SLC22A23: variants seen among roughly 807,000 people sequenced by gnomAD.
The protein encoded by SLC22A23 is solute carrier family 22 member 23.
In SLC22A23, 26 loss-of-function variants were observed where a neutral mutation model predicts 61.0. The ratio of observed to expected loss-of-function variants is 0.43; its 90% confidence interval spans 0.31 to 0.59. SLC22A23 has a LOEUF of 0.59. Ranked by LOEUF, SLC22A23 falls within the 20% of genes least tolerant of loss-of-function variation. SLC22A23 has a pLI of 0.11. For synonymous variants in SLC22A23, 430 were observed against 413.9 expected (o/e 1.04, Z -0.47); for missense variants, 796 against 934.7 (o/e 0.85, Z 1.94).
In SLC22A23 at chr6:3,427,619, G is replaced by T. The variant is rs2127536592; in HGVS notation, c.655-11764C>A. ...TTCAGGTCCTCCCACCACCTCTCAG[G>T]ATGCCGTGCCCTTCACTTTGACCTC... On this transcript the variant is annotated intron_variant, in intron 1 of 9. Transcript: ENST00000406686. The surrounding 1 kb of genome is among the most constrained non-coding windows in gnomAD (Gnocchi z 4.3). Among the ~76,000 whole-genome samples, 1 of 152,068 alleles carries T rather than the reference G, an allele frequency of 6.6e-6. No homozygotes were observed. The highest frequency in any genetic ancestry group is 1.9e-4 in the East Asian group (1 of 5,172).
At chr6:3,394,414 C>T (rs1767873077) in intron 3 of SLC22A23, among the ~76,000 whole-genome samples, 1 of 152,154 alleles carries the variant, frequency 6.6e-6, no homozygotes, top group South Asian at 2.1e-4. Flanking sequence ...ATTCCAAAGA[C>T]CATCTTTTCA....
In SLC22A23 at chr6:3,414,927, A is replaced by AG. The variant is rs1223477360; in HGVS notation, c.758+824dup. 6.6e-6 allele frequency among the ~76,000 whole-genome samples: 1 copy of AG among 152,076 alleles called. No individual in the cohort carries two copies. Among genetic ancestry groups the AG allele is most frequent in the African/African-American group, 2.4e-5 (1 of 41,410 alleles). ...TAAAAGCGCTGCAGCATCCTGGTGGAGGGGCAGGCTCTGAGGCCACGTGGT... is the reference window on the plus strand; with the variant it reads ...TAAAAGCGCTGCAGCATCCTGGTGGAGGGGGCAGGCTCTGAGGCCACGTGGT... On this transcript the variant is annotated intron_variant, in intron 2 of 9. Coordinates refer to ENST00000406686, the MANE Select transcript of SLC22A23 (RefSeq NM_015482.2). This position sits in a 1 kb window ranked among gnomAD's most constrained non-coding sequence, Gnocchi z 5.1.
chr6:3,386,857 A>C lies in SLC22A23; in HGVS notation c.913+23331T>G, dbSNP rs1402843416. ...ATGGGGAACAAGGACTTGCTTCCAC[A>C]GGGCCGGCACCCCAGGGCGGGGCAG... On this transcript the variant is annotated intron_variant, in intron 3 of 9. Coordinates refer to ENST00000406686, the MANE Select transcript of SLC22A23 (RefSeq NM_015482.2). This position sits in a 1 kb window ranked among gnomAD's most constrained non-coding sequence, Gnocchi z 4.4. 1.3e-5 allele frequency among the ~76,000 whole-genome samples: 2 copies of C among 152,204 alleles called. No individual in the cohort carries two copies. Among genetic ancestry groups the C allele is most frequent in the Non-Finnish European group, 2.9e-5 (2 of 68,024 alleles).
chr6:3,370,468 C>G (rs1766143391), intron 3 of SLC22A23, among the ~76,000 whole-genome samples: 1 of 152,268 alleles, frequency 6.6e-6, no homozygotes, highest in South Asian at 2.1e-4. Context: ...GGAGACGAAG[C>G]CTCCAGGTGT....
rs552804926 is a variant in SLC22A23, at chr6:3,455,780, A to T, written c.654+126T>A. 34 of 1,176,486 alleles carry T rather than the reference A, an allele frequency of 2.9e-5. No individual in the cohort carries two copies. In the Middle Eastern group the frequency reaches 1.5e-3, roughly 51 times the overall value. The allele number at this position is 1,176,486 out of a possible 1,614,324, so 72.9% of individuals were successfully genotyped here. ...TTGGGGGACGGAAGGAGATTAAGCC[A>T]ATGCGGAATGCCCTACACACACTCT... is the stretch of plus-strand genomic sequence containing the variant. On this transcript the variant is annotated intron_variant, in intron 1 of 9. Transcript: ENST00000406686.
rs2127319151 is a variant in SLC22A23, at chr6:3,286,240, A to C, written c.1546+619T>G. ...CAGCCTCCTGAGTAGCTGGGACTAC[A>C]GGCGTGTACCACCAAGCCCAGCTAA... is the stretch of plus-strand genomic sequence containing the variant. On this transcript the variant is annotated intron_variant, in intron 7 of 9. Coordinates refer to ENST00000406686, the MANE Select transcript of SLC22A23 (RefSeq NM_015482.2). This position sits in a 1 kb window ranked among gnomAD's most constrained non-coding sequence, Gnocchi z 4.2. Among the ~76,000 whole-genome samples, 1 of 152,210 alleles carries C rather than the reference A, an allele frequency of 6.6e-6. No homozygotes were observed. Among genetic ancestry groups the C allele is most frequent in the South Asian group, 2.1e-4 (1 of 4,820 alleles).
chr6:3,366,041 A>G (rs747549833), intron 3 of SLC22A23, among the ~76,000 whole-genome samples: 1 of 152,096 alleles, frequency 6.6e-6, no homozygotes, highest in Non-Finnish European at 1.5e-5. Flanking sequence ...TCAGAAAGAG[A>G]AGGGTATGGC....
At chr6:3,364,079 T>C (rs1765650132) in intron 3 of SLC22A23, among the ~76,000 whole-genome samples, 1 of 152,226 alleles carries the variant, frequency 6.6e-6, no homozygotes, top group Admixed American at 6.5e-5. Flanking sequence ...GCTTTTGCCT[T>C]CCCTCTCTCC....
chr6:3,402,125 G>A lies in SLC22A23; in HGVS notation c.913+8063C>T, dbSNP rs115479680. Reference sequence around the variant, plus strand: ...TCCCCATTCCTCAGTCATTGAGGCTGTGATTCTGCATCCTCAGTGTCTCTC... The same window carrying A: ...TCCCCATTCCTCAGTCATTGAGGCTATGATTCTGCATCCTCAGTGTCTCTC... On this transcript the variant is annotated intron_variant, in intron 3 of 9. Coordinates refer to ENST00000406686, the MANE Select transcript of SLC22A23 (RefSeq NM_015482.2). Among the ~76,000 whole-genome samples the A allele has an allele frequency of 6.4e-3, 981 of 152,284 alleles. 8 individuals are homozygous for A. The highest frequency in any genetic ancestry group is 0.011 in the Non-Finnish European group (736 of 68,026).
chr6:3,443,035 T>C lies in SLC22A23; in HGVS notation c.654+12871A>G, dbSNP rs1459947948. 2.6e-5 allele frequency among the ~76,000 whole-genome samples: 4 copies of C among 152,154 alleles called. No homozygotes were observed. In the East Asian group the frequency reaches 7.7e-4, roughly 29 times the overall value. On this transcript the variant is annotated intron_variant, in intron 1 of 9. Transcript: ENST00000406686. ...AACCAAACATCCCAAACAAAATTGCTCAGGGCTCTGTAAAGCTGTTCCCTG... is the reference window on the plus strand; with the variant it reads ...AACCAAACATCCCAAACAAAATTGCCCAGGGCTCTGTAAAGCTGTTCCCTG...
At chr6:3,314,048 G>A (rs766543112) in intron 4 of SLC22A23, among the ~76,000 whole-genome samples, 2 of 152,186 alleles carry the variant, frequency 1.3e-5, no homozygotes, top group African/African-American at 2.4e-5. Context: ...TTCTTAAATG[G>A]TCTTTTAAAA....
chr6:3,436,891 G>A lies in SLC22A23; in HGVS notation c.654+19015C>T, dbSNP rs935482237. 2.6e-5 allele frequency among the ~76,000 whole-genome samples: 4 copies of A among 152,288 alleles called. No homozygotes were observed. The South Asian group carries it at 8.3e-4, about 32-fold the overall frequency. ...TTTGCTATATAGATTCAAACAGATC[G>A]CAAAAGAAAGGCTGCTGTGTGTCGT... is the stretch of plus-strand genomic sequence containing the variant. On this transcript the variant is annotated intron_variant, in intron 1 of 9. Coordinates refer to ENST00000406686, the MANE Select transcript of SLC22A23 (RefSeq NM_015482.2).
rs544813552 is a variant in SLC22A23, at chr6:3,416,284, A to G, written c.655-429T>C. Among the ~76,000 whole-genome samples the G allele has an allele frequency of 1.0e-4, 16 of 152,386 alleles. No homozygotes were observed. The South Asian group carries it at 3.3e-3, about 32-fold the overall frequency. On this transcript the variant is annotated intron_variant, in intron 1 of 9. Transcript: ENST00000406686. ...TCTGCATGGGCATCGTGATGACATG[A>G]GGAGGTTAAAAGTAACTTTTGCATT...
intron 3 of SLC22A23, among the ~76,000 whole-genome samples, chr6:3,367,004 G>C (rs1765878616): frequency 6.6e-6 from 1 of 152,228 alleles, no homozygotes; most frequent in African/African-American, 2.4e-5. Flanking sequence ...AGATGAACAA[G>C]AACTTACTTA....
intron 9 of SLC22A23, among the ~76,000 whole-genome samples, chr6:3,281,531 T>C (rs1759474091): frequency 6.6e-6 from 1 of 152,206 alleles, no homozygotes; most frequent in Non-Finnish European, 1.5e-5. Context: ...CCCCTTACCC[T>C]TTGCTGCCAG....
chr6:3,396,694 C>G (rs973594828), intron 3 of SLC22A23, among the ~76,000 whole-genome samples: 1 of 152,208 alleles, frequency 6.6e-6, no homozygotes. Flanking sequence ...CCGGCATGCA[C>G]CAGCAGGCTG....
At position 3,431,818 on chromosome 6, in the gene SLC22A23, C is replaced by G. The variant is rs116719825; in HGVS notation, c.655-15963G>C. ...GTGGCCAGCTGGGGACCACAAAGAC[C>G]GCCATTTGCCAGGGCTGACCTCGGT... On this transcript the variant is annotated intron_variant, in intron 1 of 9. Coordinates refer to ENST00000406686, the MANE Select transcript of SLC22A23 (RefSeq NM_015482.2). 7.7e-3 allele frequency among the ~76,000 whole-genome samples: 1,166 copies of G among 152,246 alleles called. 7 individuals are homozygous for G. The highest frequency in any genetic ancestry group is 0.012 in the Non-Finnish European group (839 of 68,026).
At chr6:3,367,875 G>A (rs142324220) in intron 3 of SLC22A23, among the ~76,000 whole-genome samples, 178 of 152,290 alleles carry the variant, frequency 1.2e-3, no homozygotes, top group Non-Finnish European at 2.1e-3. Context: ...GAAAAACCCC[G>A]ACACTGGACT....
chr6:3,288,037 GCTT>G (rs1161767457), intron 6 of SLC22A23, among the ~76,000 whole-genome samples: 1 of 152,156 alleles, frequency 6.6e-6, no homozygotes, highest in African/African-American at 2.4e-5. Context: ...CCTGGGTCAA[GCTT>G]CTTTATTGCC....
Sources: allele counts gnomAD v4.1 joint callset (sites outside exome capture counted in the v4.1 genomes callset), GRCh38; gene constraint gnomAD v4.1.1; non-coding constraint Gnocchi (gnomAD v3.1); transcripts MANE v1.5; gene names NCBI Gene and HGNC (gene_info 2026-07-23, HGNC 2026-07-21).